DSCAML1: variants seen among roughly 807,000 people sequenced by gnomAD.
DSCAML1 encodes DS cell adhesion molecule like 1, also known as cell adhesion molecule DSCAML1.
DSCAML1 carries 38 observed loss-of-function variants against 200.5 expected under a neutral mutation model. That is an observed-to-expected ratio of 0.19 (90% confidence interval 0.15 to 0.25). The LOEUF (loss-of-function observed/expected upper bound fraction) is 0.25, where lower values mean the gene tolerates loss of function less well. Among genes scored for constraint, DSCAML1 ranks in the 10% least tolerant of loss-of-function variants. The pLI is 1.00. For synonymous variants in DSCAML1, 1,215 were observed against 1,165.0 expected (o/e 1.04, Z -0.87); for missense variants, 2,223 against 2,858.8 (o/e 0.78, Z 5.07).
chr11:117,469,986 C>T lies in DSCAML1; in HGVS notation c.2954-6G>A, dbSNP rs746805277. The T allele has an allele frequency of 1.1e-5, 17 of 1,599,946 alleles. No homozygotes were observed. Among genetic ancestry groups the T allele is most frequent in the Non-Finnish European group, 1.5e-5 (17 of 1,171,102 alleles). ...CATGGGGGGCCCATCGGGAGCTGAGCAGGGTAGCGGGGAGGAGAAACATTA... is the reference window on the plus strand; with the variant it reads ...CATGGGGGGCCCATCGGGAGCTGAGTAGGGTAGCGGGGAGGAGAAACATTA... On this transcript the variant is annotated splice_region_variant and splice_polypyrimidine_tract_variant and intron_variant, in intron 15 of 32. Transcript: ENST00000651296. The surrounding 1 kb of genome is among the most constrained non-coding windows in gnomAD (Gnocchi z 4.1).
intron 3 of DSCAML1, among the ~76,000 whole-genome samples, chr11:117,561,985 A>G (rs1263983205): frequency 6.6e-6 from 1 of 152,240 alleles, no homozygotes; most frequent in East Asian, 1.9e-4. Context: ...GAAGTCCAGG[A>G]GGAACATGTT....
Position 117,428,593 on chromosome 11 carries a change from G to C in DSCAML1, c.5897C>G (p.Thr1966Arg). 1 of 1,598,576 alleles carries C rather than the reference G, an allele frequency of 6.3e-7. No homozygotes were observed. The highest frequency in any genetic ancestry group is 8.5e-7 in the Non-Finnish European group (1 of 1,173,316). The change falls in exon 33 of 33, where the codon ACA becomes AGA. Residue 1966 changes from threonine to arginine, a missense_variant. Physicochemically the swap from Thr to Arg is moderately conservative, Grantham distance 71. This residue lies in a region of DSCAML1 where 280 missense variants were observed against 213.4 expected (regional missense o/e 1.31). Coordinates refer to ENST00000651296, the MANE Select transcript of DSCAML1 (RefSeq NM_020693.4). ...CAGAGTCCTCTGAGGTAAGGTGGCT[G>C]TGGAGGCGGCAGCGGGGGCCCCTGG... is the stretch of plus-strand genomic sequence containing the variant. ...PHPGAPAAAS[T>R]ATLPQRTLAM...
chr11:117,612,559 C>T (rs2051718050), intron 3 of DSCAML1, among the ~76,000 whole-genome samples: 1 of 152,130 alleles, frequency 6.6e-6, no homozygotes, highest in Non-Finnish European at 1.5e-5. Context: ...ATAAAGAGAT[C>T]AATACTGGTT....
At chr11:117,747,411 G>GGGTGACC (rs1422030191) in intron 3 of DSCAML1, among the ~76,000 whole-genome samples, 5 of 152,142 alleles carry the variant, frequency 3.3e-5, no homozygotes, top group African/African-American at 1.2e-4. Context: ...TCCATGGCCT[G>GGGTGACC]GGTGACCAGT....
chr11:117,697,060 C>A lies in DSCAML1; in HGVS notation c.511+79731G>T, dbSNP rs749933011. On this transcript the variant is annotated intron_variant, in intron 3 of 32. Transcript: ENST00000651296. The stretch of plus-strand genomic sequence containing the variant: ...TCACAGATTGCTTTTAGCTTTGTAA[C>A]GGCTCTGGTAGTGTTAGTATTGTCA... Among the ~76,000 whole-genome samples the A allele has an allele frequency of 2.6e-5, 4 of 152,180 alleles. No individual in the cohort carries two copies. The East Asian group carries it at 5.8e-4, about 22-fold the overall frequency.
chr11:117,641,671 G>A (rs2137595657), intron 3 of DSCAML1, among the ~76,000 whole-genome samples: 1 of 152,262 alleles, frequency 6.6e-6, no homozygotes, highest in Non-Finnish European at 1.5e-5. Flanking sequence ...GAGGGAGACA[G>A]ACTCGGGCTG....
At chr11:117,814,718 G>C (rs962209418) in intron 1 of DSCAML1, among the ~76,000 whole-genome samples, 1 of 152,226 alleles carries the variant, frequency 6.6e-6, no homozygotes, top group Admixed American at 6.5e-5. Flanking sequence ...GAATTCAGGG[G>C]ATTCAGGGTC....
At chr11:117,449,907 C>G (rs147278047) in intron 20 of DSCAML1, among the ~76,000 whole-genome samples, 1 of 152,190 alleles carries the variant, frequency 6.6e-6, no homozygotes, top group African/African-American at 2.4e-5. Context: ...CCTCCCTTCC[C>G]TCTCTGTGGG....
At chr11:117,542,332 A>C (rs7950653) in intron 3 of DSCAML1, among the ~76,000 whole-genome samples, 76,923 of 130,844 alleles carry the variant, frequency 0.59, 20,901 homozygotes, top group East Asian at 0.69. Flanking sequence ...CAAAACACAA[A>C]AACAACAACA....
Position 117,431,037 on chromosome 11 carries a change from G to A in DSCAML1, c.5375-4C>T, listed in dbSNP as rs1255368628. 3 of 1,607,758 alleles carry A rather than the reference G, an allele frequency of 1.9e-6. No individual in the cohort carries two copies. The highest frequency in any genetic ancestry group is 2.5e-6 in the Non-Finnish European group (3 of 1,176,602). ...ACCATGCTGTTCCTTCCTTTGTCTG[G>A]GGAGTTAAGAGGAAAGGGGTGGGTT... On this transcript the variant is annotated splice_region_variant and splice_polypyrimidine_tract_variant and intron_variant, in intron 31 of 32. Coordinates refer to ENST00000651296, the MANE Select transcript of DSCAML1 (RefSeq NM_020693.4).
rs1351073170 is a variant in DSCAML1 at position 117,777,081 on chromosome 11, C to A, written c.365-144G>T. On this transcript the variant is annotated intron_variant, in intron 2 of 32. Transcript: ENST00000651296. ...TCTTCCTTCCCCCATCCTGCTTAGC[C>A]AGCCTAGAAGCCCCTGCCATGATCT... 9 of 863,340 alleles carry A rather than the reference C, an allele frequency of 1.0e-5. No individual in the cohort carries two copies. In the Admixed American group the frequency reaches 2.0e-4, roughly 19 times the overall value. 53.5% of individuals were successfully genotyped at this position (863,340 alleles called of 1,614,324 possible).
chr11:117,539,616 A>AAAAAAAAAAAAAAAAAAAAAAAG, intron 3 of DSCAML1, among the ~76,000 whole-genome samples: 1 of 150,280 alleles, frequency 6.7e-6, no homozygotes, highest in African/African-American at 2.4e-5. Flanking sequence ...CAAAAAAAAA[A>AAAAAAAAAAAAAAAAAAAAAAAG]AAAAAAAAAA....
intron 3 of DSCAML1, among the ~76,000 whole-genome samples, chr11:117,551,902 G>T (rs900285385): frequency 3.9e-5 from 6 of 152,236 alleles, no homozygotes; most frequent in African/African-American, 1.4e-4. Flanking sequence ...TACAGGACAC[G>T]AGATGAGGAG....
At chr11:117,432,952 G>A (rs1010748499) in intron 29 of DSCAML1, among the ~76,000 whole-genome samples, 186 bp downstream of exon 29, 8 of 152,124 alleles carry the variant, frequency 5.3e-5, no homozygotes, top group African/African-American at 1.2e-4. Flanking sequence ...AATTCCCTCC[G>A]TTGGACAGAG....
Position 117,465,053 on chromosome 11 carries a change from T to C in DSCAML1, c.3154A>G (p.Thr1052Ala). 6.2e-7 allele frequency: 1 copy of C among 1,614,138 alleles called. No homozygotes were observed. The highest frequency in any genetic ancestry group is 8.5e-7 in the Non-Finnish European group (1 of 1,180,022). The change falls in exon 17 of 33, where the codon ACC (threonine) becomes GCC (alanine). Residue 1052 changes from threonine (T) to alanine (A), a missense_variant. Coordinates refer to ENST00000651296, the MANE Select transcript of DSCAML1 (RefSeq NM_020693.4). Reference protein sequence around the residue: ...MKATGDSEVYTLDNLKKFAQY... With the variant: ...MKATGDSEVYALDNLKKFAQY... ...GCGAACTTCTTGAGGTTGTCCAGGG[T>C]GTAGACCTCGCTGTCCCCCGTGGCC...
chr11:117,749,445 G>C (rs946368692), intron 3 of DSCAML1, among the ~76,000 whole-genome samples: 9 of 152,212 alleles, frequency 5.9e-5, no homozygotes, highest in Admixed American at 2.6e-4. Flanking sequence ...GAGAGGCCAC[G>C]AACTGCCCTG....
At chr11:117,484,467 C>G (rs1176583784) in intron 11 of DSCAML1, among the ~76,000 whole-genome samples, 1 of 152,122 alleles carries the variant, frequency 6.6e-6, no homozygotes, top group African/African-American at 2.4e-5. Flanking sequence ...AATAATGAAG[C>G]AGATAAATTT....
At chr11:117,621,813 C>T (rs551930419) in intron 3 of DSCAML1, among the ~76,000 whole-genome samples, 6 of 152,040 alleles carry the variant, frequency 3.9e-5, no homozygotes, top group South Asian at 2.1e-4. Flanking sequence ...AACAAGACAA[C>T]GTGTGGAAGA....
intron 3 of DSCAML1, among the ~76,000 whole-genome samples, chr11:117,732,644 A>G (rs1454385668): frequency 6.6e-6 from 1 of 152,206 alleles, no homozygotes; most frequent in Non-Finnish European, 1.5e-5. Context: ...GCCTCCGGAC[A>G]GAAGGACCAG....
Sources: allele counts gnomAD v4.1 joint callset (sites outside exome capture counted in the v4.1 genomes callset), GRCh38; gene constraint gnomAD v4.1.1; regional missense constraint gnomAD v4.1.1; non-coding constraint Gnocchi (gnomAD v3.1); transcripts MANE v1.5; gene names NCBI Gene and HGNC (gene_info 2026-07-23, HGNC 2026-07-21).